Variants in CDH13 observed in about 807,000 individuals in gnomAD.
The protein encoded by CDH13 is cadherin 13, also known as cadherin-13.
A neutral mutation model predicts 63.8 loss-of-function variants in CDH13; 24 were observed. The ratio of observed to expected loss-of-function variants is 0.38; its 90% CI spans 0.27 to 0.53. The LOEUF (loss-of-function observed/expected upper bound fraction) is 0.53. Ranked by LOEUF, CDH13 falls within the 20% of genes least tolerant of loss-of-function variation. CDH13 has a pLI of 0.85. For synonymous variants in CDH13, 503 were observed against 355.3 expected, an observed-to-expected ratio of 1.42 and a Z score of -4.67; for missense variants, 1,049 against 903.1, an observed-to-expected ratio of 1.16 and a Z score of -2.07.
chr16:83,745,198 C>A (rs757908915), intron 10 of CDH13, among the ~76,000 whole-genome samples: 3 of 152,152 alleles, frequency 2.0e-5, no homozygotes, highest in Non-Finnish European at 4.4e-5. Flanking sequence ...GGAGGCTGCA[C>A]CCCGAGGCTG....
intron 3 of CDH13, among the ~76,000 whole-genome samples, chr16:83,101,443 AAAAAG>A (rs910043255): frequency 6.6e-6 from 1 of 151,096 alleles, no homozygotes; most frequent in African/African-American, 2.4e-5. Flanking sequence ...TGCCAAAAAA[AAAAAG>A]AGTAAAATAA....
chr16:82,989,330 T>G (rs1488204691), intron 2 of CDH13, among the ~76,000 whole-genome samples: 1 of 152,208 alleles, frequency 6.6e-6, no homozygotes, highest in Non-Finnish European at 1.5e-5. Context: ...TCGTATTACC[T>G]TTTGTGTTAG....
At chr16:82,884,545 A>G (rs549227624) in intron 2 of CDH13, 12 of 211,010 alleles carry the variant, frequency 5.7e-5, no homozygotes, top group African/African-American at 2.7e-4. Context: ...AGCCAGGGAG[A>G]ATCTATTTCC....
At chr16:82,729,989 A>T (rs989112597) in intron 1 of CDH13, among the ~76,000 whole-genome samples, 1 of 152,054 alleles carries the variant, frequency 6.6e-6, no homozygotes, top group Non-Finnish European at 1.5e-5. Context: ...GTAGTTCCTT[A>T]CCTCTCTCAG....
At chr16:83,146,608 T>A (rs1384372689) in intron 4 of CDH13, among the ~76,000 whole-genome samples, 2 of 152,252 alleles carry the variant, frequency 1.3e-5, no homozygotes, top group East Asian at 3.9e-4. Context: ...TGAGCAGTTA[T>A]ATGTGTATGT....
intron 5 of CDH13, among the ~76,000 whole-genome samples, chr16:83,293,041 A>G (rs2089502130): frequency 6.6e-6 from 1 of 152,216 alleles, no homozygotes; most frequent in Non-Finnish European, 1.5e-5. Flanking sequence ...AGTCAATTAC[A>G]TAACAGCAAT....
intron 4 of CDH13, among the ~76,000 whole-genome samples, chr16:83,132,132 C>T (rs539864644): frequency 6.6e-6 from 1 of 152,224 alleles, no homozygotes; most frequent in South Asian, 2.1e-4. Context: ...TATTTAATAG[C>T]CATTTGCCTC....
intron 5 of CDH13, among the ~76,000 whole-genome samples, chr16:83,297,785 A>G (rs1333216852): frequency 6.6e-6 from 1 of 152,194 alleles, no homozygotes; most frequent in African/African-American, 2.4e-5. Context: ...GACCAAAGGA[A>G]TGGAATAGGT....
At chr16:82,709,654 G>A (rs1445735274) in intron 1 of CDH13, among the ~76,000 whole-genome samples, 2 of 152,236 alleles carry the variant, frequency 1.3e-5, no homozygotes, top group Admixed American at 1.3e-4. Flanking sequence ...AGTGTTGGCT[G>A]AAGATAATTA....
intron 1 of CDH13, among the ~76,000 whole-genome samples, chr16:82,795,825 C>A (rs2036554163): frequency 6.6e-6 from 1 of 152,136 alleles, no homozygotes; most frequent in Admixed American, 6.5e-5. Context: ...AGCTGCCAGG[C>A]TCAGTCTGGA....
At chr16:83,150,098 G>A (rs564625574) in intron 4 of CDH13, among the ~76,000 whole-genome samples, 2 of 152,252 alleles carry the variant, frequency 1.3e-5, no homozygotes, top group South Asian at 4.1e-4. Flanking sequence ...AGGTTTGTAA[G>A]CTTGTCTCTG....
intron 2 of CDH13, among the ~76,000 whole-genome samples, chr16:83,010,501 C>G (rs1271991621): frequency 6.6e-6 from 1 of 152,116 alleles, no homozygotes; most frequent in Non-Finnish European, 1.5e-5. Flanking sequence ...GATTTATCTC[C>G]TTTTGAGCAC....
chr16:83,053,819 C>G (rs1381736339), intron 3 of CDH13, among the ~76,000 whole-genome samples: 1 of 152,054 alleles, frequency 6.6e-6, no homozygotes, highest in Non-Finnish European at 1.5e-5. Flanking sequence ...ACAGCAGCCC[C>G]CCTTATCTAT....
chr16:82,837,986 T>G (rs1045820976), intron 1 of CDH13, among the ~76,000 whole-genome samples: 1 of 152,200 alleles, frequency 6.6e-6, no homozygotes, highest in African/African-American at 2.4e-5. Flanking sequence ...TGCCCAGGAC[T>G]AGAGGTCATA....
intron 7 of CDH13, among the ~76,000 whole-genome samples, chr16:83,502,840 G>T (rs2074312352): frequency 6.6e-6 from 1 of 152,202 alleles, no homozygotes; most frequent in Non-Finnish European, 1.5e-5. Context: ...CAGAGGCACA[G>T]TCCACTTGAC....
chr16:83,305,043 C>T (rs775366315), intron 5 of CDH13, among the ~76,000 whole-genome samples: 6 of 152,198 alleles, frequency 3.9e-5, no homozygotes, highest in Non-Finnish European at 7.3e-5. Flanking sequence ...AGCTTTGCCA[C>T]CTAAAACAGA....
intron 1 of CDH13, among the ~76,000 whole-genome samples, chr16:82,647,117 C>A (rs551358122): frequency 1.3e-5 from 2 of 152,270 alleles, no homozygotes; most frequent in Middle Eastern, 3.4e-3. Flanking sequence ...GGCTGTGTGA[C>A]CATGGGCAAG....
rs894526418 is a variant in CDH13, at chr16:82,877,622, G to A, written c.157+19149G>A. The stretch of plus-strand genomic sequence containing the variant: ...AAGTTAAGTAAGTTTGGGAAATTCT[G>A]TTTTGTTTTTTAATTTAAACTGTAG... On this transcript the variant is annotated intron_variant, in intron 2 of 13. Coordinates refer to ENST00000567109, the MANE Select transcript of CDH13 (RefSeq NM_001257.5). Among the ~76,000 whole-genome samples, 5 of 152,144 alleles carry A rather than the reference G, an allele frequency of 3.3e-5. 1 individual carries two copies. Among genetic ancestry groups the A allele is most frequent in the Non-Finnish European group, 7.3e-5 (5 of 68,032 alleles).
intron 1 of CDH13, among the ~76,000 whole-genome samples, chr16:82,787,948 A>C (rs2036101009): frequency 6.8e-6 from 1 of 146,908 alleles, no homozygotes; most frequent in Non-Finnish European, 1.5e-5. Context: ...TACCTACGAT[A>C]CAGTAAGTAA....
Sources: allele counts gnomAD v4.1 joint callset (sites outside exome capture counted in the v4.1 genomes callset), GRCh38; gene constraint gnomAD v4.1.1; transcripts MANE v1.5; gene names NCBI Gene and HGNC (gene_info 2026-07-23, HGNC 2026-07-21).